Variants in PRSS36 observed in about 807,000 individuals in gnomAD.
PRSS36 encodes polyserase-2.
In PRSS36, 90 loss-of-function variants were observed where a neutral mutation model predicts 94.3. The observed-to-expected ratio is 0.95, with a 90% CI of 0.80 to 1.14. PRSS36 has a LOEUF of 1.14. Among genes scored for constraint, PRSS36 ranks in the 50% most tolerant of loss-of-function variants. PRSS36 has a pLI of 0.00. For synonymous variants in PRSS36, 500 were observed against 489.6 expected (o/e 1.02, Z -0.28); for missense variants, 1,158 against 1,135.0 (o/e 1.02, Z -0.29).
In PRSS36 at chr16:31,140,593, A is replaced by T. The variant is rs775160306; in HGVS notation, c.2066T>A (p.Val689Glu). ...GGGCAGGGCTGATGGGGAGGGCTCCACCCGGGAGCTCAGCTCCAGGAGGGC... is the reference window on the plus strand; with the variant it reads ...GGGCAGGGCTGATGGGGAGGGCTCCTCCCGGGAGCTCAGCTCCAGGAGGGC... ...PLALLELSSRVEPSPSALPIC... is the reference protein window; with the variant it reads ...PLALLELSSREEPSPSALPIC... Residue 689 changes from valine to glutamate, a missense_variant, in exon 13 of 15, where the codon GTG (valine) becomes GAG (glutamate). Physicochemically the swap from Val to Glu is moderately radical, Grantham distance 121. Coordinates refer to ENST00000268281, the MANE Select transcript of PRSS36 (RefSeq NM_173502.5). 1 of 1,607,428 alleles carries T rather than the reference A, an allele frequency of 6.2e-7. No homozygotes were observed. The highest frequency in any genetic ancestry group is 8.5e-7 in the Non-Finnish European group (1 of 1,176,678).
At chr16:31,149,005 G>A in intron 4 of PRSS36, 68 bp downstream of exon 4, 1 of 1,453,778 alleles carries the variant, frequency 6.9e-7, no homozygotes. Context: ...GGCGGGAGGA[G>A]GGGACCAACT....
At chr16:31,148,841 G>T (rs560363660) in intron 4 of PRSS36, 166 bp from the exon 5 acceptor site, 52 of 1,007,742 alleles carry the variant, frequency 5.2e-5, no homozygotes, top group Admixed American at 1.1e-4. Flanking sequence ...CTGGTGGTGG[G>T]GGGGTCATTG....
In PRSS36 at chr16:31,149,176, T is replaced by C; in HGVS notation, c.169A>G (p.Thr57Ala). 6.4e-7 allele frequency: 1 copy of C among 1,572,784 alleles called. No individual in the cohort carries two copies. Among genetic ancestry groups the C allele is most frequent in the Non-Finnish European group, 8.6e-7 (1 of 1,160,044 alleles). ...TGCAGGCTCACTTGCCAAGGCCAGG[T>C]GCCCGGCTGCGCGTTTGAGCCCCCC... ...IVGGSNAQPG[T>A]WPWQVSLHHG... The change falls in exon 4 of 15, where the codon ACC (threonine) becomes GCC (alanine). Residue 57 changes from threonine to alanine, a missense_variant. Thr to Ala is a moderately conservative substitution (Grantham distance 58). Transcript: ENST00000268281.
chr16:31,148,804 A>C, intron 4 of PRSS36, 129 bp from the exon 5 acceptor site: 2 of 1,293,808 alleles, frequency 1.5e-6, no homozygotes, highest in Non-Finnish European at 2.1e-6. Flanking sequence ...ATACTCCTCA[A>C]AGGGGAAGAG....
intron 6 of PRSS36, among the ~76,000 whole-genome samples, chr16:31,144,300 G>A (rs1273109001): frequency 6.6e-6 from 1 of 152,044 alleles, no homozygotes; most frequent in African/African-American, 2.4e-5. Context: ...TCAGCTTCCC[G>A]AGTAGCTGGG....
At chr16:31,149,569 T>C in intron 2 of PRSS36, 71 bp from the exon 3 acceptor site, 2 of 1,608,592 alleles carry the variant, frequency 1.2e-6, no homozygotes, top group Non-Finnish European at 1.7e-6. Context: ...CCCCACTTCC[T>C]GCTCTCCAAC....
In PRSS36 at chr16:31,143,435, C is replaced by T. The variant is rs1454617094; in HGVS notation, c.1007G>A (p.Trp336Ter). The change falls in exon 8 of 15, where the codon TGG becomes TAG. Residue 336 changes from tryptophan (W) to a stop codon, truncating the protein, a stop_gained. Transcript: ENST00000268281. LOFTEE classifies it high-confidence loss of function. ...GKAPRPGAWP[W>*]EAQVMVPGSR... is the part of the protein sequence containing the mutation. ...TCCTGGCACCATCACCTGGGCCTCC[C>T]AGGGCCAGGCCCCTGGCCGCGGGGC... 1.2e-6 allele frequency: 2 copies of T among 1,612,238 alleles called. No homozygotes were observed. The highest frequency in any genetic ancestry group is 1.7e-6 in the Non-Finnish European group (2 of 1,179,414).
chr16:31,148,586 G>T lies in PRSS36; in HGVS notation c.362C>A (p.Ala121Glu). ...DGPLDGAHTR[A>E]VAAIVVPANY... ...GGCCGGCACCACGATGGCGGCCACT[G>T]CGCGGGTGTGCGCGCCGTCCAGGGG... The change falls in exon 5 of 15, where the codon GCA (alanine) becomes GAA (glutamate). Residue 121 changes from alanine to glutamate, a missense_variant. By Grantham distance (107) the Ala-to-Glu change is moderately radical. Coordinates refer to ENST00000268281, the MANE Select transcript of PRSS36 (RefSeq NM_173502.5). The T allele has an allele frequency of 6.2e-7, 1 of 1,610,542 alleles. No homozygotes were observed.
Position 31,142,997 on chromosome 16 carries a change from C to T in PRSS36, c.1101-4G>A, listed in dbSNP as rs1057307475. Reference sequence around the variant, plus strand: ...TGGGCTGTCGGAGCTGTTCGGGCTGCGGGATGGGGGCCGAGGGACGTGGGC... The same window carrying T: ...TGGGCTGTCGGAGCTGTTCGGGCTGTGGGATGGGGGCCGAGGGACGTGGGC... On this transcript the variant is annotated splice_polypyrimidine_tract_variant and splice_region_variant and intron_variant, in intron 8 of 14. Transcript: ENST00000268281. The T allele has an allele frequency of 2.2e-5, 30 of 1,385,406 alleles. No individual in the cohort carries two copies. The highest frequency in any genetic ancestry group is 6.9e-5 in the Admixed American group (2 of 28,960). 85.8% of individuals were successfully genotyped at this position (1,385,406 alleles called of 1,614,324 possible).
chr16:31,140,135 G>A (rs1388213033), intron 14 of PRSS36, among the ~76,000 whole-genome samples, 159 bp downstream of exon 14: 1 of 151,528 alleles, frequency 6.6e-6, no homozygotes, highest in Non-Finnish European at 1.5e-5. Context: ...AGCTTGCAGT[G>A]AGCCGAGATC....
In PRSS36 at chr16:31,141,967, C is replaced by T. The variant is rs1403775613; in HGVS notation, c.1522-7G>A. The T allele has an allele frequency of 6.2e-7, 1 of 1,613,084 alleles. No homozygotes were observed. Among genetic ancestry groups the T allele is most frequent in the East Asian group, 2.2e-5 (1 of 44,878 alleles). ...GGCTCCAACGCGAGTCATTCTGCAG[C>T]AACAAAGTGTGTGTGTTACTTGCCT... On this transcript the variant is annotated splice_region_variant and splice_polypyrimidine_tract_variant and intron_variant, in intron 10 of 14. Transcript: ENST00000268281.
chr16:31,148,181 G>A (rs1053269847), intron 5 of PRSS36, among the ~76,000 whole-genome samples: 1 of 152,146 alleles, frequency 6.6e-6, no homozygotes, highest in Non-Finnish European at 1.5e-5. Context: ...GGTGCGTGTG[G>A]GTGATTCCGT....
chr16:31,141,700 G>A (rs760583158), intron 11 of PRSS36, 23 bp downstream of exon 11: 33 of 1,607,638 alleles, frequency 2.1e-5, no homozygotes, highest in Non-Finnish European at 2.6e-6. Flanking sequence ...GGAGCCCCTA[G>A]GGCCCAAAAG....
rs1387164618 is a variant in PRSS36 at position 31,146,018 on chromosome 16, T to C, written c.554-63A>G. 4.0e-6 allele frequency: 6 copies of C among 1,509,110 alleles called. No homozygotes were observed. The East Asian group carries it at 1.2e-4, about 30-fold the overall frequency. The allele number at this position is 1,509,110 out of a possible 1,614,324, so 93.5% of individuals were successfully genotyped here. On this transcript the variant is annotated intron_variant, in intron 5 of 14. Coordinates refer to ENST00000268281, the MANE Select transcript of PRSS36 (RefSeq NM_173502.5). ...GTATGGCATCCCCAGTTCCCAGGGT[T>C]CAGGTTTGCCTCCTGCGGCTGCTTC...
In PRSS36 at chr16:31,148,440, C is replaced by A; in HGVS notation, c.508G>T (p.Gly170Cys). 1.3e-6 allele frequency: 2 copies of A among 1,573,950 alleles called. No homozygotes were observed. The highest frequency in any genetic ancestry group is 1.4e-5 in the African/African-American group (1 of 73,816). ...LPRASHRFVH[G>C]TACWATGWGD... The stretch of plus-strand genomic sequence containing the variant: ...CAGCCGGTGGCCCAGCAGGCGGTGC[C>A]GTGCACGAAGCGGTGTGAGGCGCGG... The change falls in exon 5 of 15, where the codon GGC (glycine) becomes TGC (cysteine). Residue 170 changes from glycine (G) to cysteine (C), a missense_variant. Transcript: ENST00000268281.
At chr16:31,141,085 C>A (rs534549613) in intron 12 of PRSS36, among the ~76,000 whole-genome samples, 1 of 152,150 alleles carries the variant, frequency 6.6e-6, no homozygotes, top group South Asian at 2.1e-4. Context: ...TGCCACCACC[C>A]CTGGCTAATT....
chr16:31,142,327 A>G (rs554247849), intron 10 of PRSS36, among the ~76,000 whole-genome samples, 154 bp downstream of exon 10: 2 of 105,514 alleles, frequency 1.9e-5, no homozygotes, highest in Admixed American at 1.0e-4. Flanking sequence ...CGCCTTCCCC[A>G]GGCCCCGCTC....
At chr16:31,146,965 A>G (rs551185472) in intron 5 of PRSS36, among the ~76,000 whole-genome samples, 2 of 152,274 alleles carry the variant, frequency 1.3e-5, no homozygotes, top group Non-Finnish European at 2.9e-5. Flanking sequence ...CTGGGCAACA[A>G]GAGTGAAACT....
Position 31,141,455 on chromosome 16 carries a change from C to G in PRSS36, c.1901+14G>C. 1 of 1,594,698 alleles carries G rather than the reference C, an allele frequency of 6.3e-7. No individual in the cohort carries two copies. The highest frequency in any genetic ancestry group is 8.6e-7 in the Non-Finnish European group (1 of 1,169,152). ...CCCCTCCCGTCTCTCGCCTAGGAGA[C>G]GAGTGAGACCCACCTGAGGACACAG... On this transcript the variant is annotated intron_variant, in intron 12 of 14. Coordinates refer to ENST00000268281, the MANE Select transcript of PRSS36 (RefSeq NM_173502.5).
Sources: allele counts gnomAD v4.1 joint callset (sites outside exome capture counted in the v4.1 genomes callset), GRCh38; gene constraint gnomAD v4.1.1; transcripts MANE v1.5; gene names NCBI Gene and HGNC (gene_info 2026-07-23, HGNC 2026-07-21).